CECR2: variants seen among roughly 807,000 people sequenced by gnomAD.
The protein encoded by CECR2 is CECR2 histone acetyl-lysine reader, also known as chromatin remodeling regulator CECR2.
A neutral mutation model predicts 154.5 loss-of-function variants in CECR2; 30 were observed. The observed-to-expected ratio is 0.19, with a 90% confidence interval of 0.15 to 0.26. The LOEUF (loss-of-function observed/expected upper bound fraction) is 0.26. CECR2 is among the 10% of genes least tolerant of loss of function. The pLI, the probability that CECR2 is intolerant of heterozygous loss-of-function variation, is 1.00. For missense variants in CECR2, 1,743 were observed against 1,829.3 expected, an observed-to-expected ratio of 0.95 and a Z score of 0.86; for synonymous variants, 725 against 683.7, an observed-to-expected ratio of 1.06 and a Z score of -0.94.
chr22:17,548,978 C>T lies in CECR2; in HGVS notation c.3691C>T (p.Pro1231Ser), dbSNP rs867661972. Residue 1231 changes from proline to serine, a missense_variant, in exon 17 of 19, where the codon CCC (proline) becomes TCC (serine). By Grantham distance (74) the Pro-to-Ser change is moderately conservative. Transcript: ENST00000262608. Reference sequence around the variant, plus strand: ...AAGCGGACCCCCAGCCAGTCAGCCTCCCCCACCAAGGTCCCTCTTCTCAGA... The same window carrying T: ...AAGCGGACCCCCAGCCAGTCAGCCTTCCCCACCAAGGTCCCTCTTCTCAGA... ...SPSGPPASQP[P>S]PPRSLFSDKN... The T allele has an allele frequency of 6.2e-7, 1 of 1,613,988 alleles. No individual in the cohort carries two copies. The highest frequency in any genetic ancestry group is 8.5e-7 in the Non-Finnish European group (1 of 1,179,900).
chr22:17,489,008 A>G (rs529206658), intron 2 of CECR2, among the ~76,000 whole-genome samples: 49 of 151,918 alleles, frequency 3.2e-4, no homozygotes, highest in African/African-American at 9.4e-4. Flanking sequence ...CTGGAGTGCA[A>G]TGGTGCTATC....
At chr22:17,552,252 A>G (rs2056720325) in intron 18 of CECR2, 110 bp downstream of exon 18, 2 of 965,194 alleles carry the variant, frequency 2.1e-6, no homozygotes, top group African/African-American at 1.6e-5. Context: ...CTGTGGATAC[A>G]GGAACTTTGC....
At chr22:17,466,872 G>A (rs1207991270) in intron 1 of CECR2, among the ~76,000 whole-genome samples, 1 of 152,200 alleles carries the variant, frequency 6.6e-6, no homozygotes, top group Non-Finnish European at 1.5e-5. Context: ...AATTACAGGC[G>A]TGAGCCACTG....
intron 1 of CECR2, among the ~76,000 whole-genome samples, chr22:17,442,876 G>A (rs970466106): frequency 6.6e-6 from 1 of 152,150 alleles, no homozygotes; most frequent in African/African-American, 2.4e-5. Context: ...TAATTCACAG[G>A]CTTCCCTAGA....
intron 1 of CECR2, among the ~76,000 whole-genome samples, chr22:17,407,608 C>T (rs1229856316): frequency 6.6e-6 from 1 of 150,484 alleles, no homozygotes; most frequent in Non-Finnish European, 1.5e-5. Context: ...AAAAAAAAAG[C>T]CATGAATTAG....
intron 1 of CECR2, among the ~76,000 whole-genome samples, chr22:17,370,274 C>G (rs1425818725): frequency 1.5e-5 from 2 of 136,920 alleles, no homozygotes; most frequent in Admixed American, 7.6e-5. Context: ...GCTCGCCGCC[C>G]GGTGCCATTG....
rs59062614 is a variant in CECR2 at position 17,487,927 on chromosome 22, G to A, written c.222-9476G>A. ...AGAGAAGTCTCGCTCTTGTCCCCCAGGTTTGAGTGCAATGGCCTGATCTCG... is the reference window on the plus strand; with the variant it reads ...AGAGAAGTCTCGCTCTTGTCCCCCAAGTTTGAGTGCAATGGCCTGATCTCG... On this transcript the variant is annotated intron_variant, in intron 2 of 18. Coordinates refer to ENST00000262608, the MANE Select transcript of CECR2 (RefSeq NM_001290047.2). Among the ~76,000 whole-genome samples the A allele has an allele frequency of 2.0e-3, 303 of 152,044 alleles. 1 individual carries two copies. Among genetic ancestry groups the A allele is most frequent in the African/African-American group, 7.2e-3 (297 of 41,464 alleles).
At chr22:17,433,094 C>G (rs5747133) in intron 1 of CECR2, among the ~76,000 whole-genome samples, 42,093 of 152,078 alleles carry the variant, frequency 0.28, 8,885 homozygotes, top group African/African-American at 0.58. Flanking sequence ...GGGTGGAATC[C>G]TTTATCGCTT....
intron 1 of CECR2, among the ~76,000 whole-genome samples, chr22:17,379,749 C>T (rs566925185): frequency 2.0e-5 from 3 of 152,154 alleles, no homozygotes; most frequent in African/African-American, 7.2e-5. Flanking sequence ...TAATTTTGCT[C>T]TCAGCAAGCA....
At chr22:17,402,754 C>CTTTTTT (rs386394918) in intron 1 of CECR2, among the ~76,000 whole-genome samples, 2 of 123,100 alleles carry the variant, frequency 1.6e-5, no homozygotes, top group Admixed American at 8.9e-5. Flanking sequence ...TTCTTTTCTT[C>CTTTTTT]TTTTTTTTTT....
chr22:17,430,151 G>C (rs1490041009), intron 1 of CECR2, among the ~76,000 whole-genome samples: 3 of 152,066 alleles, frequency 2.0e-5, no homozygotes, highest in African/African-American at 7.2e-5. Context: ...GTGATGTCTG[G>C]CTTCTGAAAT....
intron 9 of CECR2, 192 bp downstream of exon 9, chr22:17,524,463 G>T (rs1248570865): frequency 3.6e-6 from 2 of 561,942 alleles, no homozygotes; most frequent in Non-Finnish European, 5.8e-6. Flanking sequence ...CGTGATCTCA[G>T]CTCACTGCAA....
intron 1 of CECR2, among the ~76,000 whole-genome samples, chr22:17,399,427 T>C (rs1436741010): frequency 6.6e-6 from 1 of 150,966 alleles, no homozygotes; most frequent in Non-Finnish European, 1.5e-5. Flanking sequence ...TTTTTTTTTT[T>C]TTTTTTTTGG....
At chr22:17,363,394 C>T (rs2062986641) in intron 1 of CECR2, among the ~76,000 whole-genome samples, 2 of 151,972 alleles carry the variant, frequency 1.3e-5, no homozygotes, top group South Asian at 2.1e-4. Flanking sequence ...TTTTAGTAGA[C>T]ACGGACATTC....
intron 9 of CECR2, among the ~76,000 whole-genome samples, chr22:17,524,725 G>A: frequency 1.3e-5 from 1 of 74,096 alleles, no homozygotes; most frequent in South Asian, 5.0e-4. Flanking sequence ...TTGATACATA[G>A]TCTCACTCTG....
intron 1 of CECR2, among the ~76,000 whole-genome samples, chr22:17,461,047 C>T (rs2054929730): frequency 6.6e-6 from 1 of 152,104 alleles, no homozygotes; most frequent in African/African-American, 2.4e-5. Context: ...TGGTTGCTTC[C>T]CTAATTCGCA....
At position 17,542,807 on chromosome 22, in the gene CECR2, G is replaced by C. The variant is rs1040239492; in HGVS notation, c.2664G>C (p.Met888Ile). The C allele has an allele frequency of 1.9e-6, 3 of 1,613,854 alleles. No individual in the cohort carries two copies. Among genetic ancestry groups the C allele is most frequent in the Non-Finnish European group, 2.5e-6 (3 of 1,179,878 alleles). The part of the protein sequence containing the change: ...SMMDSPEMIA[M>I]QQLSSRVCPP... ...TGGACAGCCCAGAGATGATTGCGATGCAGCAGCTCTCCTCCCGCGTCTGCC... is the reference window on the plus strand; with the variant it reads ...TGGACAGCCCAGAGATGATTGCGATCCAGCAGCTCTCCTCCCGCGTCTGCC... The change falls in exon 16 of 19, where the codon ATG (methionine) becomes ATC (isoleucine). Residue 888 changes from methionine to isoleucine, a missense_variant. Met to Ile is a conservative substitution (Grantham distance 10). This residue lies in a region of CECR2 where 1,250 missense variants were observed against 1,192.1 expected (regional missense o/e 1.05). Coordinates refer to ENST00000262608, the MANE Select transcript of CECR2 (RefSeq NM_001290047.2).
intron 1 of CECR2, among the ~76,000 whole-genome samples, chr22:17,425,871 A>G (rs958181301): frequency 1.3e-5 from 2 of 152,204 alleles, no homozygotes; most frequent in African/African-American, 4.8e-5. Flanking sequence ...AAGAGAAAGG[A>G]AAGGAGATAA....
intron 1 of CECR2, among the ~76,000 whole-genome samples, chr22:17,434,162 G>A (rs2054468101): frequency 2.0e-5 from 3 of 152,088 alleles, no homozygotes; most frequent in African/African-American, 7.3e-5. Context: ...AAATGAAGAG[G>A]CCTTTTGCTT....
Sources: gnomAD v4.1 joint callset for allele counts (sites outside exome capture counted in the v4.1 genomes callset) on GRCh38, gnomAD v4.1.1 for gene constraint, gnomAD v4.1.1 regional missense constraint, MANE v1.5 for transcripts, NCBI Gene and HGNC (gene_info 2026-07-23, HGNC 2026-07-21) for gene names.